The following SUN1 variants were observed in gnomAD, a reference collection of about 807,000 sequenced individuals.
SUN1 encodes SUN domain-containing protein 1.
SUN1 carries 61 observed loss-of-function variants against 103.2 expected under a neutral mutation model. That is an observed-to-expected ratio of 0.59 (90% CI 0.48 to 0.73). The LOEUF (loss-of-function observed/expected upper bound fraction) is 0.73, where lower values mean the gene tolerates loss of function less well. SUN1 is among the 30% of genes least tolerant of loss of function. The probability of loss-of-function intolerance (pLI) is 0.00; values close to 1 mark genes in which losing one functional copy is unlikely to be tolerated. For synonymous variants in SUN1, 490 were observed against 425.7 expected (o/e 1.15, Z -1.86); for missense variants, 1,052 against 1,034.6 (o/e 1.02, Z -0.23).
chr7:852,870 C>T lies in SUN1; in HGVS notation c.971C>T (p.Ala324Val), dbSNP rs1400160637. ...FFSFLPVLNW[A>V]SMHRTQRVDD... ...TCGTTCTTGCCCGTGTTGAACTGGG[C>T]AAGCATGCATAGAACACAGCGGGTG... Residue 324 changes from alanine (A) to valine (V), a missense_variant, in exon 9 of 19, where the codon GCA becomes GTA. Physicochemically the swap from Ala to Val is moderately conservative, Grantham distance 64 (BLOSUM62 0). Transcript: ENST00000401592. The T allele has an allele frequency of 1.9e-6, 3 of 1,613,944 alleles. No homozygotes were observed. In the Admixed American group the frequency reaches 5.0e-5, roughly 27 times the overall value.
At chr7:816,662 G>C (rs993273564) in exon 1 of SUN1, 3 of 262,714 alleles carry the variant, frequency 1.1e-5, no homozygotes, top group Admixed American at 5.0e-5. Context: ...CTGAGGCGGC[G>C]GCGCGAGGCA....
chr7:868,424 G>A (rs1327952614), intron 16 of SUN1: 7 of 281,362 alleles, frequency 2.5e-5, no homozygotes, highest in East Asian at 1.2e-4. Context: ...AGGCTGCACC[G>A]TGGCCGGGTT....
intron 15 of SUN1, among the ~76,000 whole-genome samples, chr7:862,903 G>A (rs1833295360): frequency 6.6e-6 from 1 of 152,180 alleles, no homozygotes; most frequent in Non-Finnish European, 1.5e-5. Context: ...TGTAATCCCA[G>A]CACTTTAGGA....
intron 1 of SUN1, among the ~76,000 whole-genome samples, chr7:818,822 A>G (rs767456545): frequency 2.1e-4 from 32 of 150,714 alleles, no homozygotes; most frequent in African/African-American, 3.9e-4. Flanking sequence ...GCCGTTGTGT[A>G]TTTTTGGAGA....
At chr7:843,757 G>T (rs143123285) in intron 5 of SUN1, 41 of 1,428,304 alleles carry the variant, frequency 2.9e-5, no homozygotes, top group Middle Eastern at 1.8e-4. Context: ...TGGACTTGAC[G>T]TGAGCAAAAG....
Position 873,502 on chromosome 7 carries a change from T to A in SUN1, c.*171T>A, listed in dbSNP as rs1249748223. 6 of 647,562 alleles carry A rather than the reference T, an allele frequency of 9.3e-6. No individual in the cohort carries two copies. The highest frequency in any genetic ancestry group is 1.8e-5 in the African/African-American group (1 of 54,626). 40.1% of individuals were successfully genotyped at this position (647,562 alleles called of 1,614,324 possible). ...GTGTGACGGGCGCCTTGGCGCCACC[T>A]GTTGGGTGCTCACTGCCTCTGCAGG... On this transcript the variant is annotated 3_prime_UTR_variant, in exon 19 of 19. Transcript: ENST00000401592.
chr7:847,490 A>G (rs9768320), intron 5 of SUN1, among the ~76,000 whole-genome samples: 19,283 of 70,116 alleles, frequency 0.28, 4,928 homozygotes, highest in East Asian at 0.42. Context: ...GGGTTACCCC[A>G]CAGCGCCGTG....
At chr7:858,101 A>G (rs1829192219) in intron 13 of SUN1, 144 bp downstream of exon 13, 1 of 1,052,216 alleles carries the variant, frequency 9.5e-7, no homozygotes, top group Non-Finnish European at 1.3e-6. Context: ...CGCAGGCTAG[A>G]CTGCAGTGGC....
chr7:840,695 G>GC (rs1808765384), intron 2 of SUN1, among the ~76,000 whole-genome samples: 1 of 145,886 alleles, frequency 6.9e-6, no homozygotes, highest in Non-Finnish European at 1.5e-5. Flanking sequence ...AGGCTGGAGT[G>GC]CAGTGGTGCA....
intron 17 of SUN1, among the ~76,000 whole-genome samples, chr7:871,796 A>G (rs1841895131): frequency 6.6e-6 from 1 of 152,220 alleles, no homozygotes; most frequent in Non-Finnish European, 1.5e-5. Context: ...TCCCATTTCA[A>G]AATAGATATG....
At chr7:828,336 G>A (rs1231741601), upstream of SUN1, among the ~76,000 whole-genome samples, 4 of 151,850 alleles carry the variant, frequency 2.6e-5, no homozygotes, top group South Asian at 4.2e-4. Flanking sequence ...CAGTGGTGCT[G>A]TGTTGGCTCA....
chr7:842,877 C>G, intron 3 of SUN1: 1 of 477,910 alleles, frequency 2.1e-6, no homozygotes, highest in Admixed American at 4.0e-5. Flanking sequence ...GAGGCATCTG[C>G]TGCTGCTGAG....
intron 10 of SUN1, among the ~76,000 whole-genome samples, chr7:854,281 G>C (rs1161772347): frequency 6.6e-6 from 1 of 152,258 alleles, no homozygotes; most frequent in Admixed American, 6.5e-5. Flanking sequence ...GCAGAGCAGG[G>C]CTTCCCTCCG....
chr7:851,475 T>G lies in SUN1; in HGVS notation c.750T>G (p.Val250=). ...GGTCGGCCCTTTGGCTGGCCGTGGT[T>G]GCTCCAGGTGGCTATTTTGGGTTTC... is the stretch of plus-strand genomic sequence containing the variant. ...TAWSALWLAV[V]APGKAASGVF... Residue 250 remains valine (V), a synonymous_variant, in exon 6 of 19, where the codon GTT becomes GTG. Transcript: ENST00000401592. The G allele has an allele frequency of 6.2e-7, 1 of 1,604,582 alleles. No individual in the cohort carries two copies. The highest frequency in any genetic ancestry group is 8.5e-7 in the Non-Finnish European group (1 of 1,175,486).
At chr7:828,988 C>G (rs1349090118), upstream of SUN1, among the ~76,000 whole-genome samples, 1 of 152,234 alleles carries the variant, frequency 6.6e-6, no homozygotes, top group Non-Finnish European at 1.5e-5. Flanking sequence ...GGGACACACA[C>G]TCGTGTGGAA....
Position 874,827 on chromosome 7 carries a change from G to T in SUN1, c.*1496G>T, listed in dbSNP as rs1462994442. 6.6e-6 allele frequency: 1 copy of T among 152,228 alleles called. No individual in the cohort carries two copies. Among genetic ancestry groups the T allele is most frequent in the Non-Finnish European group, 1.5e-5 (1 of 68,042 alleles). 9.4% of individuals were successfully genotyped at this position (152,228 alleles called of 1,614,324 possible). A position where few individuals can be genotyped will look rare whatever the true frequency, so the allele number is the denominator to read the frequency against. On this transcript the variant is annotated 3_prime_UTR_variant, in exon 19 of 19. Transcript: ENST00000401592. Reference sequence around the variant, plus strand: ...CTTTTCAAAATATCTGTCTTTGGTAGTGCTTCTGCTGCTGCCACCAAATTG... The same window carrying T: ...CTTTTCAAAATATCTGTCTTTGGTATTGCTTCTGCTGCTGCCACCAAATTG...
chr7:861,303 C>T, intron 14 of SUN1, 77 bp from the exon 15 acceptor site: 5 of 1,427,086 alleles, frequency 3.5e-6, no homozygotes, highest in South Asian at 1.2e-5. Context: ...GTGTCTGGTC[C>T]TCATCCATGG....
rs1451934920 is a variant in SUN1 at position 873,651 on chromosome 7, GA to G, written c.*321del. 8.2e-6 allele frequency: 2 copies of G among 244,964 alleles called. No individual in the cohort carries two copies. Among genetic ancestry groups the G allele is most frequent in the Admixed American group, 1.0e-4 (2 of 19,258 alleles). The allele number at this position is 244,964 out of a possible 1,614,324, so 15.2% of individuals were successfully genotyped here. A position where few individuals can be genotyped will look rare whatever the true frequency, so the allele number is the denominator to read the frequency against. On this transcript the variant is annotated 3_prime_UTR_variant, in exon 19 of 19. Transcript: ENST00000401592. ...AAAGGAGCAAAGCAGAGGAAGCTGAGAGTCTGGCGTGTTCTTGACGCTTTGG... is the reference window on the plus strand; with the variant it reads ...AAAGGAGCAAAGCAGAGGAAGCTGAGGTCTGGCGTGTTCTTGACGCTTTGG...
chr7:838,437 G>A (rs905954105), intron 1 of SUN1, among the ~76,000 whole-genome samples: 3 of 152,190 alleles, frequency 2.0e-5, no homozygotes, highest in African/African-American at 4.8e-5. Flanking sequence ...TCACGTCCGC[G>A]TAGTGTTGAC....
Sources: gnomAD v4.1 joint callset for allele counts (sites outside exome capture counted in the v4.1 genomes callset) on GRCh38, gnomAD v4.1.1 for gene constraint, MANE v1.5 for transcripts, NCBI Gene and HGNC (gene_info 2026-07-23, HGNC 2026-07-21) for gene names.